Variants in ST3GAL6 observed in about 807,000 individuals in gnomAD.
The protein encoded by ST3GAL6 is ST3 beta-galactoside alpha-2,3-sialyltransferase 6.
ST3GAL6 carries 31 observed loss-of-function variants against 40.5 expected under a neutral mutation model. The observed-to-expected ratio is 0.77, with a 90% CI of 0.58 to 1.03. The LOEUF (loss-of-function observed/expected upper bound fraction) is 1.03, where lower values mean the gene tolerates loss of function less well. ST3GAL6 is among the 50% of genes least tolerant of loss of function. The probability of loss-of-function intolerance (pLI) is 0.00; values close to 1 mark genes in which losing one functional copy is unlikely to be tolerated. For synonymous variants in ST3GAL6, 129 were observed against 136.9 expected, an observed-to-expected ratio of 0.94 and a Z score of 0.40; for missense variants, 357 against 393.2, an observed-to-expected ratio of 0.91 and a Z score of 0.78.
chr3:98,768,651 A>G (rs989897030), intron 2 of ST3GAL6, 122 bp downstream of exon 2: 1 of 724,226 alleles, frequency 1.4e-6, no homozygotes, highest in Middle Eastern at 3.5e-4. Context: ...CTTGCTTTCC[A>G]TTGTAAATTG....
intron 5 of ST3GAL6, among the ~76,000 whole-genome samples, chr3:98,774,838 G>A (rs1349922505): frequency 6.6e-6 from 1 of 152,166 alleles, no homozygotes; most frequent in Non-Finnish European, 1.5e-5. Context: ...TTTCTCTGTT[G>A]GAGACCAAGA....
chr3:98,751,818 A>G (rs1170579398), intron 1 of ST3GAL6, among the ~76,000 whole-genome samples: 1 of 152,234 alleles, frequency 6.6e-6, no homozygotes, highest in Non-Finnish European at 1.5e-5. Flanking sequence ...TTACATATGC[A>G]TATGTCTAAC....
chr3:98,736,085 C>G (rs186697583), intron 1 of ST3GAL6, among the ~76,000 whole-genome samples: 4 of 152,172 alleles, frequency 2.6e-5, no homozygotes, highest in Admixed American at 1.3e-4. Context: ...TCTTGGAGAG[C>G]TTTTGGTCAT....
chr3:98,737,271 G>T (rs1177521284), intron 1 of ST3GAL6, among the ~76,000 whole-genome samples: 1 of 152,090 alleles, frequency 6.6e-6, no homozygotes, highest in Admixed American at 6.5e-5. Flanking sequence ...AGCTGGTCTT[G>T]AACTCCTGAA....
chr3:98,758,474 C>A (rs750160563), upstream of ST3GAL6, among the ~76,000 whole-genome samples: 2 of 152,090 alleles, frequency 1.3e-5, no homozygotes, highest in Non-Finnish European at 2.9e-5. Flanking sequence ...AATTTCAGAG[C>A]AGTTTTATTA....
At chr3:98,748,307 T>C (rs1007988454) in intron 1 of ST3GAL6, among the ~76,000 whole-genome samples, 4 of 152,230 alleles carry the variant, frequency 2.6e-5, no homozygotes, top group African/African-American at 9.6e-5. Context: ...GCAAGTCATT[T>C]AACTTCTCTA....
At chr3:98,782,061 G>C (rs943314076) in intron 5 of ST3GAL6, 1 of 596,536 alleles carries the variant, frequency 1.7e-6, no homozygotes. Context: ...GAGAGGAAAG[G>C]GTTTTGAATA....
chr3:98,792,068 CTT>C (rs1249777316), intron 9 of ST3GAL6, 75 bp downstream of exon 9: 13 of 1,367,212 alleles, frequency 9.5e-6, no homozygotes, highest in Non-Finnish European at 1.3e-5. Flanking sequence ...CATATTTTCT[CTT>C]CTCACACTCA....
At chr3:98,780,339 G>T (rs568543798) in intron 5 of ST3GAL6, among the ~76,000 whole-genome samples, 37 of 152,166 alleles carry the variant, frequency 2.4e-4, no homozygotes, top group Non-Finnish European at 4.4e-4. Flanking sequence ...AGAAAAATGC[G>T]TAAATCTTTG....
chr3:98,740,740 A>T (rs570578634), intron 1 of ST3GAL6, among the ~76,000 whole-genome samples: 1 of 152,238 alleles, frequency 6.6e-6, no homozygotes, highest in Admixed American at 6.5e-5. Flanking sequence ...CAAATATTTA[A>T]TCAGTGTTAT....
intron 6 of ST3GAL6, 100 bp downstream of exon 6, chr3:98,785,140 A>G: frequency 1.2e-6 from 1 of 822,602 alleles, no homozygotes; most frequent in South Asian, 1.8e-5. Context: ...AGATGTTTCC[A>G]TTTGGTTTTT....
At chr3:98,766,492 G>T (rs1222682263) in intron 1 of ST3GAL6, among the ~76,000 whole-genome samples, 1 of 145,134 alleles carries the variant, frequency 6.9e-6, no homozygotes, top group African/African-American at 2.6e-5. Context: ...CGTGATCTCG[G>T]CTCACTGCAA....
intron 4 of ST3GAL6, 150 bp downstream of exon 4, chr3:98,773,066 ATT>A: frequency 1.9e-6 from 1 of 520,910 alleles, no homozygotes; most frequent in South Asian, 3.0e-5. Context: ...AATGAATTAC[ATT>A]TTAAAATATA....
At chr3:98,770,216 G>T (rs1938823002) in intron 2 of ST3GAL6, among the ~76,000 whole-genome samples, 1 of 152,140 alleles carries the variant, frequency 6.6e-6, no homozygotes, top group Admixed American at 6.5e-5. Context: ...CTCTTTCCCA[G>T]CTAAGTCTGG....
Position 98,763,368 on chromosome 3 carries a change from G to A in ST3GAL6, c.-83G>A. ...GTGAGCTGAAGACCAGCAGAGACTA[G>A]GATGGATGACGGCCTGTCCAGGGGC... On this transcript the variant is annotated 5_prime_UTR_variant, in exon 1 of 10. Coordinates refer to ENST00000483910, the MANE Select transcript of ST3GAL6 (RefSeq NM_001323368.2). The A allele has an allele frequency of 1.6e-6, 2 of 1,289,844 alleles. No homozygotes were observed. The highest frequency in any genetic ancestry group is 2.0e-6 in the Non-Finnish European group (2 of 988,858). The allele number at this position is 1,289,844 out of a possible 1,614,324, so 79.9% of individuals were successfully genotyped here.
intron 1 of ST3GAL6, among the ~76,000 whole-genome samples, chr3:98,744,506 GC>G (rs1014341058): frequency 6.6e-6 from 1 of 152,164 alleles, no homozygotes; most frequent in African/African-American, 2.4e-5. Context: ...TGCCCTGGGG[GC>G]AGACAAGTTT....
intron 5 of ST3GAL6, among the ~76,000 whole-genome samples, chr3:98,778,556 C>T (rs1939770007): frequency 6.6e-6 from 1 of 152,090 alleles, no homozygotes; most frequent in Non-Finnish European, 1.5e-5. Context: ...CAGAAGCAGC[C>T]CCTGCCTGCT....
At chr3:98,739,940 G>T (rs1935920578) in intron 1 of ST3GAL6, among the ~76,000 whole-genome samples, 2 of 152,174 alleles carry the variant, frequency 1.3e-5, no homozygotes, top group South Asian at 4.1e-4. Flanking sequence ...ATAGGTTGTG[G>T]TAATTAAAGG....
chr3:98,772,782 G>T, intron 3 of ST3GAL6, 31 bp from the exon 4 acceptor site: 2 of 1,519,800 alleles, frequency 1.3e-6, no homozygotes, highest in Non-Finnish European at 9.1e-7. Context: ...GTAGGTATTT[G>T]GCAAAATCAT....
Sources: allele counts gnomAD v4.1 joint callset (sites outside exome capture counted in the v4.1 genomes callset), GRCh38; gene constraint gnomAD v4.1.1; transcripts MANE v1.5; gene names NCBI Gene and HGNC (gene_info 2026-07-23, HGNC 2026-07-21).